Variants in MRRF observed in about 807,000 individuals in gnomAD.
MRRF encodes mitochondrial ribosome recycling factor.
In MRRF, 18 loss-of-function variants were observed where a neutral mutation model predicts 25.1. The ratio of observed to expected loss-of-function variants is 0.72; its 90% CI spans 0.50 to 1.06. MRRF has a LOEUF of 1.06. Among genes scored for constraint, MRRF ranks in the 50% least tolerant of loss-of-function variants. The probability of loss-of-function intolerance (pLI) is 0.00; values close to 1 mark genes in which losing one functional copy is unlikely to be tolerated. For synonymous variants in MRRF, 113 were observed against 112.1 expected (o/e 1.01, Z -0.05); for missense variants, 323 against 319.3 (o/e 1.01, Z -0.09).
At chr9:122,294,181 G>A (rs73557017) in intron 5 of MRRF, among the ~76,000 whole-genome samples, 2,404 of 152,262 alleles carry the variant, frequency 0.016, 62 homozygotes, top group African/African-American at 0.05. Context: ...CTGCCAGGTC[G>A]TTTCTGAAGC....
At chr9:122,287,269 C>T (rs1411548251) in intron 4 of MRRF, among the ~76,000 whole-genome samples, 1 of 152,172 alleles carries the variant, frequency 6.6e-6, no homozygotes, top group East Asian at 1.9e-4. Context: ...CTAATTTGCT[C>T]ATTGTGTCCA....
chr9:122,312,972 GA>G (rs951324944), intron 5 of MRRF, among the ~76,000 whole-genome samples: 1 of 152,202 alleles, frequency 6.6e-6, no homozygotes, highest in Non-Finnish European at 1.5e-5. Flanking sequence ...ATACAGGCCA[GA>G]AATATTGGGA....
chr9:122,278,795 CT>C (rs1412112037), intron 2 of MRRF, among the ~76,000 whole-genome samples: 1 of 151,972 alleles, frequency 6.6e-6, no homozygotes, highest in African/African-American at 2.4e-5. Context: ...TCTCTTTGTC[CT>C]TTGTTTTCTG....
intron 3 of MRRF, 49 bp downstream of exon 3, chr9:122,280,647 T>C (rs1266707171): frequency 6.3e-7 from 1 of 1,590,456 alleles, no homozygotes; most frequent in Non-Finnish European, 8.6e-7. Context: ...GGAAAGAGCA[T>C]GGGTTTGGCA....
At chr9:122,291,916 C>G (rs1833799550) in intron 5 of MRRF, 76 bp downstream of exon 5, 1 of 991,760 alleles carries the variant, frequency 1.0e-6, no homozygotes, top group South Asian at 1.3e-5. Flanking sequence ...AAATACCCTA[C>G]TATACCGTTA....
At position 122,313,301 on chromosome 9, in the gene MRRF, G is replaced by A. The variant is rs150659802; in HGVS notation, c.626G>A (p.Arg209Gln). 28 of 1,613,948 alleles carry A rather than the reference G, an allele frequency of 1.7e-5. No homozygotes were observed. Among genetic ancestry groups the A allele is most frequent in the Middle Eastern group, 1.6e-4 (1 of 6,084 alleles). The change falls in exon 6 of 7, where the codon CGG becomes CAG. Residue 209 changes from arginine to glutamine, a missense_variant. Coordinates refer to ENST00000344641, the MANE Select transcript of MRRF (RefSeq NM_138777.5). ...ACCAACAAGGCCAAAGACTCTTTAC[G>A]GAAGGTTCGCACCAACTCAATGAAC... ...QNTNKAKDSL[R>Q]KVRTNSMNKL...
chr9:122,274,533 G>GGTGTGTGTGT (rs765131163), intron 2 of MRRF, among the ~76,000 whole-genome samples: 9,123 of 140,506 alleles, frequency 0.065, 353 homozygotes, highest in Non-Finnish European at 0.078. Context: ...ATATGAATCT[G>GGTGTGTGTGT]GTGTGTGTGT....
intron 1 of MRRF, chr9:122,265,760 C>CA (rs1207216385): frequency 7.8e-7 from 1 of 1,288,644 alleles, no homozygotes; most frequent in Non-Finnish European, 1.0e-6. Context: ...ATCTAAATGG[C>CA]AGATGGCAGG....
intron 2 of MRRF, among the ~76,000 whole-genome samples, chr9:122,279,405 C>T (rs1300305497): frequency 6.6e-6 from 1 of 152,178 alleles, no homozygotes; most frequent in Non-Finnish European, 1.5e-5. Flanking sequence ...GGAGAATGTA[C>T]TTGAAATTGC....
In MRRF at chr9:122,295,360, G is replaced by A. The variant is rs538413252; in HGVS notation, c.551+3520G>A. Among the ~76,000 whole-genome samples, 11 of 152,250 alleles carry A rather than the reference G, an allele frequency of 7.2e-5. No homozygotes were observed. The East Asian group carries it at 7.7e-4, about 11-fold the overall frequency. On this transcript the variant is annotated intron_variant, in intron 5 of 6. Coordinates refer to ENST00000344641, the MANE Select transcript of MRRF (RefSeq NM_138777.5). ...TCACACAGCTGGTAATTGACAAAGCGGTGAGGAGGAAAATAACACATCATA... is the reference window on the plus strand; with the variant it reads ...TCACACAGCTGGTAATTGACAAAGCAGTGAGGAGGAAAATAACACATCATA...
At chr9:122,285,410 A>G in intron 4 of MRRF, 123 bp downstream of exon 4, 1 of 789,588 alleles carries the variant, frequency 1.3e-6, no homozygotes, top group Middle Eastern at 2.8e-4. Context: ...TAATAAAGAG[A>G]ACTTAAGGAT....
intron 5 of MRRF, among the ~76,000 whole-genome samples, chr9:122,308,661 T>C (rs1269674459): frequency 7.3e-6 from 1 of 136,946 alleles, no homozygotes; most frequent in African/African-American, 2.8e-5. Flanking sequence ...ATCACACCAC[T>C]GCACTCCAGC....
intron 6 of MRRF, among the ~76,000 whole-genome samples, 180 bp from the exon 7 acceptor site, chr9:122,322,360 C>T (rs1835940666): frequency 2.0e-5 from 3 of 149,870 alleles, no homozygotes; most frequent in Admixed American, 2.0e-4. Flanking sequence ...GAGACTTTGT[C>T]TCAAAAAAAA....
At chr9:122,302,086 T>G (rs1272622815) in intron 5 of MRRF, among the ~76,000 whole-genome samples, 2 of 152,112 alleles carry the variant, frequency 1.3e-5, no homozygotes, top group Admixed American at 1.3e-4. Context: ...TGTCTGTCTC[T>G]ACTGCCGTGA....
chr9:122,310,191 C>A (rs1835115123), intron 5 of MRRF, among the ~76,000 whole-genome samples: 2 of 152,176 alleles, frequency 1.3e-5, no homozygotes, highest in Admixed American at 6.5e-5. Flanking sequence ...AAATAACTTG[C>A]ATAGGGTCAC....
At chr9:122,298,163 T>C (rs959633023) in intron 5 of MRRF, among the ~76,000 whole-genome samples, 19 of 152,224 alleles carry the variant, frequency 1.2e-4, no homozygotes, top group Admixed American at 4.6e-4. Context: ...ATCCATGGAC[T>C]TCTGAGAGTA....
rs535333942 is a variant in MRRF at position 122,314,257 on chromosome 9, A to T, written c.711+871A>T. ...GGCTCCAGATCTTGGATTGGGTTCA[A>T]ATCTGCTTTATATCTCTCAATCTTC... is the stretch of plus-strand genomic sequence containing the variant. On this transcript the variant is annotated intron_variant, in intron 6 of 6. Coordinates refer to ENST00000344641, the MANE Select transcript of MRRF (RefSeq NM_138777.5). 1.2e-3 allele frequency among the ~76,000 whole-genome samples: 190 copies of T among 152,180 alleles called. 1 individual carries two copies. The highest frequency in any genetic ancestry group is 4.1e-4 in the Non-Finnish European group (28 of 68,028).
intron 5 of MRRF, among the ~76,000 whole-genome samples, chr9:122,305,121 AC>A (rs1315390147): frequency 2.6e-5 from 4 of 151,982 alleles, no homozygotes; most frequent in African/African-American, 2.4e-5. Flanking sequence ...TTTTAAAAAA[AC>A]CTTTGTAGCT....
chr9:122,298,415 A>T lies in MRRF; in HGVS notation c.551+6575A>T, dbSNP rs140282943. 2.5e-3 allele frequency among the ~76,000 whole-genome samples: 377 copies of T among 152,312 alleles called. 2 individuals are homozygous for T. Among genetic ancestry groups the T allele is most frequent in the South Asian group, 0.014 (66 of 4,824 alleles). ...TCAAGGTATAACTTATATGCAATAA[A>T]ATGAATCAATTTCAAGTATATGTGA... On this transcript the variant is annotated intron_variant, in intron 5 of 6. Coordinates refer to ENST00000344641, the MANE Select transcript of MRRF (RefSeq NM_138777.5).
Sources: gnomAD v4.1 joint callset for allele counts (sites outside exome capture counted in the v4.1 genomes callset) on GRCh38, gnomAD v4.1.1 for gene constraint, MANE v1.5 for transcripts, NCBI Gene and HGNC (gene_info 2026-07-23, HGNC 2026-07-21) for gene names.